The following SUGCT variants were observed in gnomAD, a reference collection of about 807,000 sequenced individuals.
The protein encoded by SUGCT is succinyl-CoA:glutarate CoA-transferase.
A neutral mutation model predicts 55.0 loss-of-function variants in SUGCT; 41 were observed. The ratio of observed to expected loss-of-function variants is 0.74; its 90% CI spans 0.58 to 0.97. The LOEUF is 0.97. SUGCT is among the 50% of genes least tolerant of loss of function. The pLI is 0.00. For synonymous variants in SUGCT, 187 were observed against 200.4 expected (o/e 0.93, Z 0.56); for missense variants, 568 against 547.8 (o/e 1.04, Z -0.37).
At chr7:40,165,407 T>C (rs970919416) in intron 1 of SUGCT, among the ~76,000 whole-genome samples, 2 of 151,932 alleles carry the variant, frequency 1.3e-5, no homozygotes, top group African/African-American at 4.8e-5. Context: ...ACCAGGGGAG[T>C]CCTACCAAGC....
At chr7:40,250,931 G>T (rs572739318) in intron 7 of SUGCT, among the ~76,000 whole-genome samples, 5 of 150,600 alleles carry the variant, frequency 3.3e-5, no homozygotes, top group African/African-American at 1.2e-4. Context: ...CTGCCTCCCG[G>T]GTTCAAGCGA....
intron 12 of SUGCT, chr7:40,498,932 T>A (rs777297123): frequency 1.3e-5 from 5 of 384,112 alleles, no homozygotes; most frequent in African/African-American, 2.1e-5. Flanking sequence ...GAAGAGAAGT[T>A]CCCTTCCTCA....
At chr7:40,201,346 G>A (rs1236555213) in intron 6 of SUGCT, among the ~76,000 whole-genome samples, 1 of 152,132 alleles carries the variant, frequency 6.6e-6, no homozygotes, top group East Asian at 1.9e-4. Context: ...TGTTCACACT[G>A]CATTAAGTAT....
the SUGCT span, among the ~76,000 whole-genome samples, chr7:40,873,266 T>C: frequency 6.6e-6 from 1 of 152,306 alleles, no homozygotes; most frequent in South Asian, 2.1e-4. Context: ...AAGGAAATGG[T>C]ATTTTAAAGA....
At chr7:40,281,148 G>T (rs6961146) in intron 8 of SUGCT, among the ~76,000 whole-genome samples, 1 of 151,942 alleles carries the variant, frequency 6.6e-6, no homozygotes, top group African/African-American at 2.4e-5. Context: ...AAACATTTTT[G>T]TGTACCCCTA....
chr7:40,316,549 A>G (rs1182775288), intron 8 of SUGCT, among the ~76,000 whole-genome samples: 2 of 152,150 alleles, frequency 1.3e-5, no homozygotes, highest in East Asian at 1.9e-4. Context: ...ATATTTCTCA[A>G]TTGACTATTA....
intron 13 of SUGCT, among the ~76,000 whole-genome samples, chr7:40,759,951 A>G (rs1788452272): frequency 6.6e-6 from 1 of 152,128 alleles, no homozygotes; most frequent in South Asian, 2.1e-4. Flanking sequence ...TCAAGAGTAT[A>G]TAAGTGTAAA....
chr7:40,184,934 A>G lies in SUGCT; in HGVS notation c.226+2906A>G, dbSNP rs570497641. On this transcript the variant is annotated intron_variant, in intron 3 of 13. Coordinates refer to ENST00000335693, the MANE Select transcript of SUGCT (RefSeq NM_001193313.2). ...TAGAATGTTTGATCTGGAAGATTCAATTTCTTGTTAAGTAGATATTCTTAA... is the reference window on the plus strand; with the variant it reads ...TAGAATGTTTGATCTGGAAGATTCAGTTTCTTGTTAAGTAGATATTCTTAA... Among the ~76,000 whole-genome samples, 24 of 152,262 alleles carry G rather than the reference A, an allele frequency of 1.6e-4. No individual in the cohort carries two copies. The East Asian group carries it at 3.9e-3, about 24-fold the overall frequency.
At chr7:41,010,447 G>A in the SUGCT span, among the ~76,000 whole-genome samples, 9 of 152,216 alleles carry the variant, frequency 5.9e-5, no homozygotes, top group Admixed American at 5.2e-4. Context: ...CTTCTGAAAG[G>A]CATAGAGAAT....
At chr7:40,766,791 G>A (rs1269448463) in intron 13 of SUGCT, among the ~76,000 whole-genome samples, 3 of 152,152 alleles carry the variant, frequency 2.0e-5, no homozygotes, top group Non-Finnish European at 4.4e-5. Context: ...AGGTGGATAT[G>A]TGTTCACGTG....
intron 9 of SUGCT, among the ~76,000 whole-genome samples, chr7:40,366,575 A>C (rs1478021317): frequency 6.6e-6 from 1 of 152,188 alleles, no homozygotes; most frequent in African/African-American, 2.4e-5. Context: ...CAAGAAAAAA[A>C]CAAACAATCC....
intron 12 of SUGCT, among the ~76,000 whole-genome samples, chr7:40,690,035 T>C (rs1784624988): frequency 6.6e-6 from 1 of 152,218 alleles, no homozygotes; most frequent in Non-Finnish European, 1.5e-5. Context: ...ATGGTCACCA[T>C]ACTACAAAGA....
chr7:41,026,063 G>A, the SUGCT span, among the ~76,000 whole-genome samples: 177 of 152,326 alleles, frequency 1.2e-3, no homozygotes, highest in Non-Finnish European at 1.8e-3. Flanking sequence ...GTGTGCAAAC[G>A]CAGGTCTATG....
At chr7:40,511,390 G>A (rs1234956070) in intron 12 of SUGCT, among the ~76,000 whole-genome samples, 2 of 152,140 alleles carry the variant, frequency 1.3e-5, no homozygotes. Context: ...GACTGGAGAA[G>A]GCTGAACGAC....
At chr7:40,529,446 C>T (rs1459224281) in intron 12 of SUGCT, among the ~76,000 whole-genome samples, 1 of 152,204 alleles carries the variant, frequency 6.6e-6, no homozygotes, top group African/African-American at 2.4e-5. Flanking sequence ...GAGAACTCAC[C>T]AACAGGTGCA....
At chr7:40,671,267 A>T (rs769884375) in intron 12 of SUGCT, among the ~76,000 whole-genome samples, 3 of 152,232 alleles carry the variant, frequency 2.0e-5, no homozygotes, top group Non-Finnish European at 2.9e-5. Flanking sequence ...TCAGTCAATG[A>T]AGAAAAAGCA....
At chr7:40,936,433 A>G in the SUGCT span, among the ~76,000 whole-genome samples, 1 of 151,736 alleles carries the variant, frequency 6.6e-6, no homozygotes, top group Non-Finnish European at 1.5e-5. Flanking sequence ...GTTATTATTA[A>G]TAATGTTCCC....
In SUGCT at chr7:40,139,160, A is replaced by AATC. The variant is rs201220891; in HGVS notation, c.100+4041_100+4042insTCA. On this transcript the variant is annotated intron_variant, in intron 1 of 13. Coordinates refer to ENST00000335693, the MANE Select transcript of SUGCT (RefSeq NM_001193313.2). ...TAAATAAATAAATAAATAAATAAATAAATAAATAAATAAATAAATCCAGGA... is the reference window on the plus strand; with the variant it reads ...TAAATAAATAAATAAATAAATAAATAATCAATAAATAAATAAATAAATCCAGGA... Among the ~76,000 whole-genome samples the AATC allele has an allele frequency of 6.3e-3, 954 of 150,872 alleles. 9 individuals are homozygous for AATC. Among genetic ancestry groups the AATC allele is most frequent in the African/African-American group, 0.023 (923 of 40,918 alleles).
chr7:40,239,424 A>G (rs1161803975), intron 7 of SUGCT, among the ~76,000 whole-genome samples: 1 of 152,142 alleles, frequency 6.6e-6, no homozygotes, highest in East Asian at 1.9e-4. Flanking sequence ...ATCCATTGAG[A>G]GAATAGAGCA....
Sources: allele counts gnomAD v4.1 joint callset (sites outside exome capture counted in the v4.1 genomes callset), GRCh38; gene constraint gnomAD v4.1.1; transcripts MANE v1.5; gene names NCBI Gene and HGNC (gene_info 2026-07-23, HGNC 2026-07-21).